The following PARD3B variants were observed in gnomAD, a reference collection of about 807,000 sequenced individuals.
PARD3B encodes par-3 family cell polarity regulator beta, also known as partitioning defective 3 homolog B.
Under a neutral mutation model 130.2 loss-of-function variants are expected in PARD3B, and 103 were observed. The ratio of observed to expected loss-of-function variants is 0.79; its 90% confidence interval spans 0.67 to 0.93. The LOEUF is 0.93. Ranked by LOEUF, PARD3B falls within the 40% of genes least tolerant of loss-of-function variation. The pLI is 0.00. For missense variants in PARD3B, 1,609 were observed against 1,499.2 expected (o/e 1.07, Z -1.21); for synonymous variants, 583 against 553.2 (o/e 1.05, Z -0.76).
At position 205,470,423 on chromosome 2, in the gene PARD3B, C is replaced by T. The variant is rs1176313384; in HGVS notation, c.3045-29473C>T. On this transcript the variant is annotated intron_variant, in intron 20 of 22. Transcript: ENST00000406610. The surrounding 1 kb of genome is among the most constrained non-coding windows in gnomAD (Gnocchi z 4.8). The stretch of plus-strand genomic sequence containing the variant: ...TTTGTTAACCACAGTGCCCATGTAT[C>T]CACTGTCAGATGACTCCCTCTGCTC... Among the ~76,000 whole-genome samples the T allele has an allele frequency of 6.6e-6, 1 of 152,160 alleles. No individual in the cohort carries two copies. Among genetic ancestry groups the T allele is most frequent in the African/African-American group, 2.4e-5 (1 of 41,432 alleles).
At chr2:205,254,733 G>T (rs1397923507) in intron 16 of PARD3B, among the ~76,000 whole-genome samples, 1 of 149,988 alleles carries the variant, frequency 6.7e-6, no homozygotes. Flanking sequence ...GCGCGATCTC[G>T]GCTCACTGCA....
At position 205,473,713 on chromosome 2, in the gene PARD3B, C is replaced by T. The variant is rs927154356; in HGVS notation, c.3045-26183C>T. 1.4e-5 allele frequency among the ~76,000 whole-genome samples: 2 copies of T among 138,584 alleles called. No individual in the cohort carries two copies. Among genetic ancestry groups the T allele is most frequent in the Non-Finnish European group, 3.0e-5 (2 of 65,772 alleles). The allele number at this position is 138,584 out of a possible 152,430, so 90.9% of individuals were successfully genotyped here. ...ATATATATATATATATATATATACA[C>T]ACACACGTATATAAAACCCTAAATA... On this transcript the variant is annotated intron_variant, in intron 20 of 22. Coordinates refer to ENST00000406610, the MANE Select transcript of PARD3B (RefSeq NM_001302769.2). The surrounding 1 kb of genome is among the most constrained non-coding windows in gnomAD (Gnocchi z 4.9).
At chr2:205,546,513 C>G (rs2052387321) in intron 21 of PARD3B, among the ~76,000 whole-genome samples, 1 of 151,852 alleles carries the variant, frequency 6.6e-6, no homozygotes, top group Non-Finnish European at 1.5e-5. Flanking sequence ...GGAAAATTAC[C>G]TAATAAGGAG....
In PARD3B at chr2:205,091,214, A is replaced by G. The variant is rs1385817278; in HGVS notation, c.505-13212A>G. Among the ~76,000 whole-genome samples, 2 of 152,250 alleles carry G rather than the reference A, an allele frequency of 1.3e-5. No individual in the cohort carries two copies. Among genetic ancestry groups the G allele is most frequent in the African/African-American group, 4.8e-5 (2 of 41,474 alleles). Reference sequence around the variant, plus strand: ...AACAAATGGAATAGAAGTTAAGAACATAAGACCTTTAGTACTTATGGATTC... The same window carrying G: ...AACAAATGGAATAGAAGTTAAGAACGTAAGACCTTTAGTACTTATGGATTC... On this transcript the variant is annotated intron_variant, in intron 4 of 22. Coordinates refer to ENST00000406610, the MANE Select transcript of PARD3B (RefSeq NM_001302769.2). The surrounding 1 kb of genome is among the most constrained non-coding windows in gnomAD (Gnocchi z 4.2).
intron 21 of PARD3B, among the ~76,000 whole-genome samples, chr2:205,512,166 G>A (rs964050590): frequency 5.9e-5 from 9 of 152,190 alleles, no homozygotes; most frequent in African/African-American, 2.2e-4. Flanking sequence ...ACATACTAAC[G>A]TCTATGACTT....
chr2:204,998,937 C>T (rs867938200), intron 3 of PARD3B, among the ~76,000 whole-genome samples: 1 of 152,126 alleles, frequency 6.6e-6, no homozygotes, highest in Non-Finnish European at 1.5e-5. Flanking sequence ...TGGTCTTGAT[C>T]TCCTGACTTC....
At chr2:204,910,645 G>T (rs2047199065) in intron 2 of PARD3B, among the ~76,000 whole-genome samples, 1 of 151,986 alleles carries the variant, frequency 6.6e-6, no homozygotes, top group Admixed American at 6.6e-5. Flanking sequence ...TTGTTTGTTT[G>T]TTTTTTGTTT....
In PARD3B at chr2:205,246,167, C is replaced by T. The variant is rs558325363; in HGVS notation, c.2185+345C>T. ...CATGATGACTTTCATATTTAAGTGG[C>T]GGGACAGAGAATTCCAGAATAAGAA... On this transcript the variant is annotated intron_variant, in intron 16 of 22. Coordinates refer to ENST00000406610, the MANE Select transcript of PARD3B (RefSeq NM_001302769.2). 6.6e-5 allele frequency among the ~76,000 whole-genome samples: 10 copies of T among 151,578 alleles called. No individual in the cohort carries two copies. In the South Asian group the frequency reaches 8.3e-4, roughly 13 times the overall value.
At chr2:205,095,900 T>C (rs1167245624) in intron 4 of PARD3B, among the ~76,000 whole-genome samples, 3 of 152,092 alleles carry the variant, frequency 2.0e-5, no homozygotes, top group Non-Finnish European at 4.4e-5. Context: ...TGCTGATTAT[T>C]AGCAATGAGA....
chr2:205,402,858 A>G (rs1019693578), intron 19 of PARD3B, among the ~76,000 whole-genome samples: 9 of 152,332 alleles, frequency 5.9e-5, no homozygotes, highest in East Asian at 5.8e-4. Context: ...TGTCTCAATC[A>G]TGTGCTAGAG....
intron 1 of PARD3B, among the ~76,000 whole-genome samples, chr2:204,581,527 C>A (rs1171011130): frequency 6.6e-6 from 1 of 151,780 alleles, no homozygotes; most frequent in Non-Finnish European, 1.5e-5. Flanking sequence ...AGAATTCTGA[C>A]AGAGAAGAGC....
At chr2:205,538,725 G>C (rs563739242) in intron 21 of PARD3B, among the ~76,000 whole-genome samples, 29 of 152,246 alleles carry the variant, frequency 1.9e-4, no homozygotes, top group African/African-American at 6.5e-4. Flanking sequence ...ATCTGCTCAG[G>C]GGGCTCATGG....
intron 1 of PARD3B, among the ~76,000 whole-genome samples, chr2:204,670,873 T>G (rs905900456): frequency 4.6e-5 from 7 of 152,182 alleles, no homozygotes; most frequent in Non-Finnish European, 1.0e-4. Context: ...TTCTTTTTAA[T>G]AGTTATGTAA....
chr2:205,598,728 C>T (rs751689973), intron 22 of PARD3B, among the ~76,000 whole-genome samples: 22 of 152,110 alleles, frequency 1.4e-4, no homozygotes, highest in Non-Finnish European at 2.9e-4. Context: ...TAAAGCAAAT[C>T]TGAATACATT....
chr2:205,229,211 G>T lies in PARD3B; in HGVS notation c.2141-16567G>T, dbSNP rs967481100. ...AACATTGAAGAGTTAGGTATTTATT[G>T]TAGTCTTTGCAGTCTGGGCTTGTTG... On this transcript the variant is annotated intron_variant, in intron 15 of 22. Coordinates refer to ENST00000406610, the MANE Select transcript of PARD3B (RefSeq NM_001302769.2). The surrounding 1 kb of genome is among the most constrained non-coding windows in gnomAD (Gnocchi z 5.2). 2.0e-5 allele frequency among the ~76,000 whole-genome samples: 3 copies of T among 152,174 alleles called. No homozygotes were observed. Among genetic ancestry groups the T allele is most frequent in the African/African-American group, 7.2e-5 (3 of 41,438 alleles).
chr2:204,597,121 G>A lies in PARD3B; in HGVS notation c.120+51002G>A, dbSNP rs539998104. Among the ~76,000 whole-genome samples the A allele has an allele frequency of 9.9e-5, 15 of 152,240 alleles. No homozygotes were observed. In the South Asian group the frequency reaches 3.1e-3, roughly 32 times the overall value. On this transcript the variant is annotated intron_variant, in intron 1 of 22. Transcript: ENST00000406610. Reference sequence around the variant, plus strand: ...AGAATTGGGTATGGGAAATTAGCTTGTCTAACTCATTGGCTTGATTTTTGC... The same window carrying A: ...AGAATTGGGTATGGGAAATTAGCTTATCTAACTCATTGGCTTGATTTTTGC...
At chr2:204,559,563 A>C (rs1484579707) in intron 1 of PARD3B, among the ~76,000 whole-genome samples, 1 of 152,238 alleles carries the variant, frequency 6.6e-6, no homozygotes, top group Non-Finnish European at 1.5e-5. Flanking sequence ...GATGTGGAGA[A>C]ATAGGAATGC....
chr2:204,757,701 T>G (rs528379380), intron 2 of PARD3B, among the ~76,000 whole-genome samples: 1 of 152,204 alleles, frequency 6.6e-6, no homozygotes, highest in African/African-American at 2.4e-5. Flanking sequence ...ATTTTAAAAC[T>G]TTTAATTTTT....
intron 21 of PARD3B, among the ~76,000 whole-genome samples, chr2:205,534,400 GAGA>G (rs1022167162): frequency 8.5e-5 from 13 of 152,114 alleles, no homozygotes; most frequent in Non-Finnish European, 1.8e-4. Flanking sequence ...GAGAGTGAGT[GAGA>G]AGGAGAATGG....
Sources: allele counts gnomAD v4.1 joint callset (sites outside exome capture counted in the v4.1 genomes callset), GRCh38; gene constraint gnomAD v4.1.1; non-coding constraint Gnocchi (gnomAD v3.1); transcripts MANE v1.5; gene names NCBI Gene and HGNC (gene_info 2026-07-23, HGNC 2026-07-21).